The following CYP2J2 variants were observed in gnomAD, a reference collection of about 807,000 sequenced individuals.
CYP2J2 encodes the protein cytochrome P450 family 2 subfamily J member 2.
A neutral mutation model predicts 48.8 loss-of-function variants in CYP2J2; 41 were observed. The observed-to-expected ratio is 0.84, with a 90% CI of 0.66 to 1.09. The LOEUF is 1.09. CYP2J2 is among the 50% of genes least tolerant of loss of function. The pLI is 0.00. For synonymous variants in CYP2J2, 221 were observed against 227.1 expected (o/e 0.97, Z 0.24); for missense variants, 644 against 617.3 (o/e 1.04, Z -0.46).
At chr1:59,952,570 G>A in the CYP2J2 span, among the ~76,000 whole-genome samples, 1 of 152,148 alleles carries the variant, frequency 6.6e-6, no homozygotes, top group African/African-American at 2.4e-5. Flanking sequence ...CTTCCCAGAA[G>A]GGGGAGACTG....
chr1:59,905,112 A>G, intron 6 of CYP2J2, 54 bp from the exon 7 acceptor site: 1 of 1,554,864 alleles, frequency 6.4e-7, no homozygotes. Flanking sequence ...CTTTATTATA[A>G]AGAGGTATGA....
At chr1:59,900,475 A>G (rs1032919044) in intron 8 of CYP2J2, among the ~76,000 whole-genome samples, 3 of 152,164 alleles carry the variant, frequency 2.0e-5, no homozygotes, top group African/African-American at 7.2e-5. Flanking sequence ...TCTACTAAAC[A>G]TACAAAAAAT....
the CYP2J2 span, among the ~76,000 whole-genome samples, chr1:59,963,092 T>C: frequency 6.6e-6 from 1 of 152,332 alleles, no homozygotes; most frequent in African/African-American, 2.4e-5. Context: ...CAAATACCTA[T>C]GTATGTATCA....
At chr1:59,938,501 C>G in the CYP2J2 span, among the ~76,000 whole-genome samples, 1 of 152,256 alleles carries the variant, frequency 6.6e-6, no homozygotes, top group East Asian at 1.9e-4. Context: ...TTATGCTTCT[C>G]TCCACCCAAA....
intron 1 of CYP2J2, among the ~76,000 whole-genome samples, chr1:59,923,559 G>T (rs1266465132): frequency 6.6e-6 from 1 of 151,976 alleles, no homozygotes; most frequent in Non-Finnish European, 1.5e-5. Flanking sequence ...ACTATGAATA[G>T]TCTCAAAACA....
chr1:59,898,916 T>C (rs1285112944), intron 8 of CYP2J2, among the ~76,000 whole-genome samples: 2 of 152,244 alleles, frequency 1.3e-5, no homozygotes, highest in African/African-American at 4.8e-5. Context: ...TCACCATGTA[T>C]AGTTTTTAAA....
chr1:59,930,897 T>C (rs1314155247), upstream of CYP2J2, among the ~76,000 whole-genome samples: 1 of 152,152 alleles, frequency 6.6e-6, no homozygotes. Context: ...AATTGCAAAG[T>C]TCATTATGCA....
chr1:59,910,924 C>T lies in CYP2J2; in HGVS notation c.684+684G>A, dbSNP rs11572264. On this transcript the variant is annotated intron_variant, in intron 4 of 8. Transcript: ENST00000371204. ...AGTTTGAACTCCAAACGGCTACACTCTATGGAATTAGAAGATTGATGATAT... is the reference window on the plus strand; with the variant it reads ...AGTTTGAACTCCAAACGGCTACACTTTATGGAATTAGAAGATTGATGATAT... Among the ~76,000 whole-genome samples the T allele has an allele frequency of 4.1e-3, 629 of 152,290 alleles. 7 individuals are homozygous for T. The highest frequency in any genetic ancestry group is 0.015 in the African/African-American group (604 of 41,564).
intron 7 of CYP2J2, among the ~76,000 whole-genome samples, chr1:59,902,403 T>A (rs1312213821): frequency 6.6e-6 from 1 of 151,894 alleles, no homozygotes; most frequent in East Asian, 1.9e-4. Flanking sequence ...GGAATTAATA[T>A]CAATGATTGC....
chr1:59,906,569 G>T (rs1350550206), intron 6 of CYP2J2, among the ~76,000 whole-genome samples: 1 of 152,048 alleles, frequency 6.6e-6, no homozygotes, highest in Admixed American at 6.6e-5. Flanking sequence ...GAACAGTTCA[G>T]TAGTATTAAA....
chr1:59,923,099 G>T (rs766029643), intron 1 of CYP2J2, among the ~76,000 whole-genome samples: 2 of 152,168 alleles, frequency 1.3e-5, no homozygotes, highest in Non-Finnish European at 2.9e-5. Context: ...GGAGATATAG[G>T]CAGATCTCTG....
chr1:59,940,328 G>A, the CYP2J2 span, among the ~76,000 whole-genome samples: 5 of 152,314 alleles, frequency 3.3e-5, no homozygotes, highest in South Asian at 8.3e-4. Context: ...AAGGCAGCAA[G>A]TTCCCTTCTG....
intron 8 of CYP2J2, among the ~76,000 whole-genome samples, chr1:59,900,401 G>A (rs1014394260): frequency 1.3e-5 from 2 of 152,228 alleles, no homozygotes; most frequent in African/African-American, 4.8e-5. Flanking sequence ...GGGAGGCCGA[G>A]GCGGGTGGAT....
At chr1:59,957,691 C>G in the CYP2J2 span, among the ~76,000 whole-genome samples, 2 of 151,462 alleles carry the variant, frequency 1.3e-5, no homozygotes, top group African/African-American at 4.9e-5. Flanking sequence ...GACACACACA[C>G]ACACACACAC....
chr1:59,918,280 T>G (rs552464672), intron 1 of CYP2J2, among the ~76,000 whole-genome samples: 3 of 152,208 alleles, frequency 2.0e-5, no homozygotes, highest in Non-Finnish European at 4.4e-5. Context: ...AATAAGGATG[T>G]TTTTGGAAGA....
chr1:59,946,241 C>T, the CYP2J2 span, among the ~76,000 whole-genome samples: 1 of 152,168 alleles, frequency 6.6e-6, no homozygotes, highest in Non-Finnish European at 1.5e-5. Context: ...CCCTGCCCTC[C>T]TTAAATGTGC....
At chr1:59,926,087 A>C (rs1163172877) in intron 1 of CYP2J2, among the ~76,000 whole-genome samples, 1 of 152,184 alleles carries the variant, frequency 6.6e-6, no homozygotes, top group South Asian at 2.1e-4. Context: ...GTGAGAGTGC[A>C]CTGCAAGGGA....
At chr1:59,926,088 C>A (rs1644561234) in intron 1 of CYP2J2, among the ~76,000 whole-genome samples, 3 of 152,070 alleles carry the variant, frequency 2.0e-5, no homozygotes, top group Admixed American at 2.0e-4. Context: ...TGAGAGTGCA[C>A]TGCAAGGGAA....
the CYP2J2 span, among the ~76,000 whole-genome samples, chr1:59,931,780 T>C: frequency 6.6e-6 from 1 of 152,122 alleles, no homozygotes; most frequent in Non-Finnish European, 1.5e-5. Context: ...AGGTATTAAA[T>C]TATATACCAA....
Sources: allele counts gnomAD v4.1 joint callset (sites outside exome capture counted in the v4.1 genomes callset), GRCh38; gene constraint gnomAD v4.1.1; transcripts MANE v1.5; gene names NCBI Gene and HGNC (gene_info 2026-07-23, HGNC 2026-07-21).